Variants in ADAMTS1 observed in about 807,000 individuals in gnomAD.
ADAMTS1 encodes the protein A disintegrin and metalloproteinase with thrombospondin motifs 1.
ADAMTS1 carries 19 observed loss-of-function variants against 87.9 expected under a neutral mutation model. The observed-to-expected ratio is 0.22, with a 90% CI of 0.15 to 0.32. ADAMTS1 has a LOEUF of 0.32. Ranked by LOEUF, ADAMTS1 falls within the 10% of genes least tolerant of loss-of-function variation. The pLI, the probability that ADAMTS1 is intolerant of heterozygous loss-of-function variation, is 1.00. For missense variants in ADAMTS1, 1,240 were observed against 1,259.1 expected, an observed-to-expected ratio of 0.98 and a Z score of 0.23; for synonymous variants, 542 against 501.8, an observed-to-expected ratio of 1.08 and a Z score of -1.07.
intron 7 of ADAMTS1, 37 bp from the exon 8 acceptor site, chr21:26,838,651 C>CAAAG: frequency 6.3e-7 from 1 of 1,592,214 alleles, no homozygotes; most frequent in Non-Finnish European, 8.6e-7. Context: ...TACATACAAG[C>CAAAG]AAAGGAAGGA....
rs114112687 is a variant in ADAMTS1, at chr21:26,845,158, G to A, written c.-204C>T. The A allele has an allele frequency of 6.0e-6, 4 of 670,132 alleles. No individual in the cohort carries two copies. Among genetic ancestry groups the A allele is most frequent in the South Asian group, 7.2e-5 (1 of 13,964 alleles). 41.5% of individuals were successfully genotyped at this position (670,132 alleles called of 1,614,324 possible). On this transcript the variant is annotated 5_prime_UTR_variant, in exon 1 of 9. Coordinates refer to ENST00000284984, the MANE Select transcript of ADAMTS1 (RefSeq NM_006988.5). ...GCGCTGCAGTTCTGCCGGCGCGCGG[G>A]AAGTTTTTCTTCCAGCGCAAAGTTG...
intron 2 of ADAMTS1, 31 bp from the exon 3 acceptor site, chr21:26,842,021 T>C (rs1053900328): frequency 6.2e-7 from 1 of 1,608,356 alleles, no homozygotes; most frequent in African/African-American, 1.3e-5. Flanking sequence ...TACTTATTAA[T>C]AAGGGGAGCA....
At chr21:26,840,632 G>A in intron 4 of ADAMTS1, 70 bp from the exon 5 acceptor site, 1 of 1,506,528 alleles carries the variant, frequency 6.6e-7, no homozygotes, top group South Asian at 1.3e-5. Flanking sequence ...TCCCATTTCA[G>A]AAAATATTTA....
intron 1 of ADAMTS1, among the ~76,000 whole-genome samples, chr21:26,843,963 G>A (rs752529546): frequency 2.6e-5 from 4 of 152,182 alleles, no homozygotes; most frequent in Non-Finnish European, 5.9e-5. Flanking sequence ...TCCCTCCCCG[G>A]CCTAAATGCT....
intron 5 of ADAMTS1, 68 bp from the exon 6 acceptor site, chr21:26,840,129 C>T (rs1985461297): frequency 2.6e-6 from 4 of 1,554,598 alleles, no homozygotes; most frequent in Non-Finnish European, 2.6e-6. Context: ...TCAAAGAAAG[C>T]CACATGGGAC....
intron 7 of ADAMTS1, 159 bp downstream of exon 7, chr21:26,839,428 A>C (rs1304330809): frequency 1.1e-5 from 7 of 654,670 alleles, no homozygotes; most frequent in Non-Finnish European, 1.8e-5. Flanking sequence ...ACTAAACTCA[A>C]AGCAGGCAGT....
In ADAMTS1 at chr21:26,838,105, A is replaced by G. The variant is rs749781758; in HGVS notation, c.2378T>C (p.Met793Thr). The G allele has an allele frequency of 1.9e-6, 3 of 1,614,188 alleles. No individual in the cohort carries two copies. The highest frequency in any genetic ancestry group is 2.5e-6 in the Non-Finnish European group (3 of 1,180,040). ...GTACCTCAAGACAACACCTTTGTAC[A>G]TAATGTCTTGCTCTAAGGTGGACAA... ...YTLSTLEQDIMYKGVVLRYSG... is the reference protein window; with the variant it reads ...YTLSTLEQDITYKGVVLRYSG... Residue 793 changes from methionine to threonine, a missense_variant, in exon 9 of 9, where the codon ATG becomes ACG. By Grantham distance (81) the Met-to-Thr change is moderately conservative (BLOSUM62 -1). This residue lies in a region of ADAMTS1 where 402 missense variants were observed against 399.1 expected (regional missense o/e 1.01). Transcript: ENST00000284984.
At position 26,838,139 on chromosome 21, in the gene ADAMTS1, C is replaced by T. The variant is rs1985413305; in HGVS notation, c.2344G>A (p.Asp782Asn). The stretch of plus-strand genomic sequence containing the variant: ...TGCTCTAAGGTGGACAAAGTGTAGT[C>T]ACCATTAAGAATATATGTGCCATCA... ...AADGTYILNG[D>N]YTLSTLEQDI... is the part of the protein sequence containing the mutation. Residue 782 changes from aspartate to asparagine, a missense_variant, in exon 9 of 9, where the codon GAC (aspartate) becomes AAC (asparagine). By Grantham distance (23) the Asp-to-Asn change is conservative. Transcript: ENST00000284984. The T allele has an allele frequency of 6.2e-7, 1 of 1,613,970 alleles. No individual in the cohort carries two copies. Among genetic ancestry groups the T allele is most frequent in the Non-Finnish European group, 8.5e-7 (1 of 1,180,020 alleles).
chr21:26,844,726 G>A lies in ADAMTS1; in HGVS notation c.229C>T (p.Arg77Cys), dbSNP rs757981020. The A allele has an allele frequency of 5.7e-6, 9 of 1,577,166 alleles. No homozygotes were observed. Among genetic ancestry groups the A allele is most frequent in the Middle Eastern group, 3.3e-4 (2 of 5,986 alleles). Residue 77 changes from arginine to cysteine, a missense_variant, in exon 1 of 9, where the codon CGC becomes TGC. Arg to Cys is a radical substitution (Grantham distance 180). Transcript: ENST00000284984. ...AGCTGCTGGTCAAAGGCGTGCAGGC[G>A]GAGGCGCGTGGTCCCGTGTCCCGGG... is the stretch of plus-strand genomic sequence containing the variant. ...RAPGHGTTRL[R>C]LHAFDQQLDL...
In ADAMTS1 at chr21:26,844,636, GC is replaced by G; in HGVS notation, c.318del (p.Arg107AlafsTer23). Reference protein sequence around the residue: ...LAPGFTLQNVGRKSGSETPLP... With the variant: ...LAPGFTLQNVXRKSGSETPLP... ...AGCGGCGTCTCGGACCCGGATTTGC[GC>G]CCCACGTTCTGGAGCGTGAAGCCGG... On this transcript the variant is annotated frameshift_variant, in exon 1 of 9. Coordinates refer to ENST00000284984, the MANE Select transcript of ADAMTS1 (RefSeq NM_006988.5). LOFTEE classifies it high-confidence loss of function. The G allele has an allele frequency of 6.2e-7, 1 of 1,606,336 alleles. No homozygotes were observed. Among genetic ancestry groups the G allele is most frequent in the South Asian group, 1.1e-5 (1 of 89,638 alleles).
At position 26,844,316 on chromosome 21, in the gene ADAMTS1, G is replaced by A. The variant is rs748623761; in HGVS notation, c.639C>T (p.Thr213=). ...CCTCAGTCCCTTCGTCCTCGTCTTCGGTCTCCGCTTTCCCAGTCGGCCGGG... is the reference window on the plus strand; with the variant it reads ...CCTCAGTCCCTTCGTCCTCGTCTTCAGTCTCCGCTTTCCCAGTCGGCCGGG... The part of the protein sequence containing the change: ...DEPRPTGKAE[T]EDEDEGTEGE... Residue 213 remains threonine, a synonymous_variant, in exon 1 of 9, where the codon ACC becomes ACT. Coordinates refer to ENST00000284984, the MANE Select transcript of ADAMTS1 (RefSeq NM_006988.5). The A allele has an allele frequency of 5.6e-6, 9 of 1,608,780 alleles. No individual in the cohort carries two copies. In the East Asian group the frequency reaches 1.8e-4, roughly 32 times the overall value.
In ADAMTS1 at chr21:26,839,910, C is replaced by T; in HGVS notation, c.1817G>A (p.Arg606Lys). Residue 606 changes from arginine (R) to lysine (K), a missense_variant, in exon 6 of 9, where the codon AGA becomes AAA. Arg to Lys is a conservative substitution (Grantham distance 26). Coordinates refer to ENST00000284984, the MANE Select transcript of ADAMTS1 (RefSeq NM_006988.5). ...TGGACAGTCCTCAAGGTTACAGGAT[C>T]TGTAGCGCACTCGTTTGCCTTCACA... is the stretch of plus-strand genomic sequence containing the variant. ...KYCEGKRVRY[R>K]SCNLEDCPDN... 1 of 1,614,090 alleles carries T rather than the reference C, an allele frequency of 6.2e-7. No individual in the cohort carries two copies. Among genetic ancestry groups the T allele is most frequent in the Non-Finnish European group, 8.5e-7 (1 of 1,180,026 alleles).
Position 26,837,650 on chromosome 21 carries a change from G to A in ADAMTS1, c.2833C>T (p.His945Tyr), listed in dbSNP as rs1163397579. 39 of 1,614,066 alleles carry A rather than the reference G, an allele frequency of 2.4e-5. No individual in the cohort carries two copies. Among genetic ancestry groups the A allele is most frequent in the Non-Finnish European group, 3.0e-5 (35 of 1,180,030 alleles). ...TTCTTTAAAGGATCACAGCTCTCATGAGATAACACCCCTCCATCATGGGAC... is the reference window on the plus strand; with the variant it reads ...TTCTTTAAAGGATCACAGCTCTCATAAGATAACACCCCTCCATCATGGGAC... ...CLSHDGGVLS[H>Y]ESCDPLKKPK... The change falls in exon 9 of 9, where the codon CAT (histidine) becomes TAT (tyrosine). Residue 945 changes from histidine (H) to tyrosine (Y), a missense_variant. By Grantham distance (83) the His-to-Tyr change is moderately conservative. Coordinates refer to ENST00000284984, the MANE Select transcript of ADAMTS1 (RefSeq NM_006988.5).
In ADAMTS1 at chr21:26,838,629, CAT is replaced by C. The variant is rs771035973; in HGVS notation, c.2029-17_2029-16del. 1.9e-5 allele frequency: 30 copies of C among 1,611,714 alleles called. No homozygotes were observed. The highest frequency in any genetic ancestry group is 6.7e-5 in the East Asian group (3 of 44,850). On this transcript the variant is annotated splice_polypyrimidine_tract_variant and intron_variant, in intron 7 of 8. Transcript: ENST00000284984. ...CCATCTACAACCTGAAAAAAGGACA[CAT>C]GTCTAGTGTTACATACAAGCAAAGG...
intron 6 of ADAMTS1, 46 bp downstream of exon 6, chr21:26,839,829 C>G: frequency 6.2e-7 from 1 of 1,605,166 alleles, no homozygotes; most frequent in Non-Finnish European, 8.5e-7. Context: ...GTGGGTACAT[C>G]TTTTTTTAAT....
chr21:26,843,783 C>T (rs766211232), intron 1 of ADAMTS1: 11 of 484,490 alleles, frequency 2.3e-5, no homozygotes, highest in Non-Finnish European at 4.6e-5. Flanking sequence ...TCCACATCCG[C>T]CCTCCCGTGA....
In ADAMTS1 at chr21:26,839,635, G is replaced by A; in HGVS notation, c.1980C>T (p.Leu660=). Residue 660 remains leucine (L), a synonymous_variant, in exon 7 of 9, where the codon CTC becomes CTT. Transcript: ENST00000284984. ...AGCCAATGCCTTTGGCTTGGCAGAT[G>A]AGCTTGCACCTGTCCTTTGGTGAGA... The part of the protein sequence containing the change: ...AGVSPKDRCK[L]ICQAKGIGYF... The A allele has an allele frequency of 6.2e-6, 10 of 1,610,618 alleles. No individual in the cohort carries two copies. Among genetic ancestry groups the A allele is most frequent in the Non-Finnish European group, 8.5e-6 (10 of 1,177,026 alleles).
intron 7 of ADAMTS1, 181 bp from the exon 8 acceptor site, chr21:26,838,795 G>A (rs915922747): frequency 2.3e-5 from 12 of 531,476 alleles, no homozygotes; most frequent in Middle Eastern, 4.3e-4. Context: ...ACTACGTATA[G>A]ACATCTGAAG....
chr21:26,839,270 G>GT (rs1568810076), intron 7 of ADAMTS1: 2 of 201,282 alleles, frequency 9.9e-6, no homozygotes, highest in Admixed American at 1.1e-4. Flanking sequence ...AATATAAAAT[G>GT]TATCTAACTA....
Sources: allele counts gnomAD v4.1 joint callset (sites outside exome capture counted in the v4.1 genomes callset), GRCh38; gene constraint gnomAD v4.1.1; regional missense constraint gnomAD v4.1.1; transcripts MANE v1.5; gene names NCBI Gene and HGNC (gene_info 2026-07-23, HGNC 2026-07-21).